The following LDLRAD4 variants were observed in gnomAD, a reference collection of about 807,000 sequenced individuals.
LDLRAD4 encodes the protein low-density lipoprotein receptor class A domain-containing protein 4.
In LDLRAD4, 5 loss-of-function variants were observed where a neutral mutation model predicts 17.0. That is an observed-to-expected ratio of 0.29 (90% confidence interval 0.15 to 0.62). LDLRAD4 has a LOEUF of 0.62. Ranked by LOEUF, LDLRAD4 falls within the 20% of genes least tolerant of loss-of-function variation. LDLRAD4 has a pLI of 0.84. For missense variants in LDLRAD4, 340 were observed against 424.7 expected (o/e 0.80, Z 1.75); for synonymous variants, 168 against 171.8 (o/e 0.98, Z 0.17).
In LDLRAD4 at chr18:13,529,544, C is replaced by A. The variant is rs186180676; in HGVS notation, c.181+91160C>A. Among the ~76,000 whole-genome samples, 3 of 152,294 alleles carry A rather than the reference C, an allele frequency of 2.0e-5. No individual in the cohort carries two copies. In the East Asian group the frequency reaches 5.8e-4, roughly 29 times the overall value. Reference sequence around the variant, plus strand: ...ATGCCACAGAGCTCACAGAACTAGACCCAAGTAAATAATACATGCCTTTAG... The same window carrying A: ...ATGCCACAGAGCTCACAGAACTAGAACCAAGTAAATAATACATGCCTTTAG... On this transcript the variant is annotated intron_variant, in intron 3 of 5. Coordinates refer to ENST00000359446, the Ensembl canonical transcript of LDLRAD4.
At chr18:13,463,503 G>A (rs1331913173) in intron 3 of LDLRAD4, among the ~76,000 whole-genome samples, 1 of 152,242 alleles carries the variant, frequency 6.6e-6, no homozygotes, top group African/African-American at 2.4e-5. Flanking sequence ...CTTAAAAACA[G>A]TTGTTAACAC....
chr18:13,254,228 A>AG (rs1156321175), intron 1 of LDLRAD4, among the ~76,000 whole-genome samples: 3 of 152,210 alleles, frequency 2.0e-5, no homozygotes, highest in Non-Finnish European at 4.4e-5. Context: ...CCCGAGGCCC[A>AG]GGGGAGGCAG....
intron 1 of LDLRAD4, among the ~76,000 whole-genome samples, chr18:13,279,210 G>T (rs2045092692): frequency 6.6e-6 from 1 of 152,222 alleles, no homozygotes; most frequent in Admixed American, 6.5e-5. Flanking sequence ...CACGCCTTGT[G>T]GATGTTCAGT....
At chr18:13,504,551 C>T (rs921064646) in intron 3 of LDLRAD4, among the ~76,000 whole-genome samples, 7 of 152,208 alleles carry the variant, frequency 4.6e-5, no homozygotes, top group African/African-American at 1.2e-4. Flanking sequence ...CCTCAGCCTC[C>T]CGAGTAGCTG....
intron 1 of LDLRAD4, among the ~76,000 whole-genome samples, chr18:13,349,796 C>A (rs185987701): frequency 5.9e-5 from 9 of 152,146 alleles, no homozygotes; most frequent in Middle Eastern, 3.4e-3. Flanking sequence ...CCCCCACCCC[C>A]CAACTGGCCC....
chr18:13,279,174 A>G (rs747428698), intron 1 of LDLRAD4, among the ~76,000 whole-genome samples: 6 of 152,188 alleles, frequency 3.9e-5, no homozygotes, highest in African/African-American at 7.2e-5. Context: ...TGGGGTGGAA[A>G]GAGCTCACGG....
chr18:13,533,680 G>C (rs1245409869), intron 3 of LDLRAD4, among the ~76,000 whole-genome samples: 1 of 152,096 alleles, frequency 6.6e-6, no homozygotes, highest in Non-Finnish European at 1.5e-5. Flanking sequence ...ATTACATTTA[G>C]GCCTTTTAAA....
intron 3 of LDLRAD4, chr18:13,515,084 T>A (rs1238382243): frequency 6.6e-6 from 1 of 152,244 alleles, no homozygotes; most frequent in African/African-American, 2.4e-5. Flanking sequence ...GTAACTGAAT[T>A]ACATAACTGT....
At chr18:13,506,664 C>T (rs8092260) in intron 3 of LDLRAD4, among the ~76,000 whole-genome samples, 27,798 of 152,156 alleles carry the variant, frequency 0.18, 3,101 homozygotes, top group Middle Eastern at 0.38. Context: ...ATGGAATAGC[C>T]CTCTATTGGA....
intron 3 of LDLRAD4, among the ~76,000 whole-genome samples, chr18:13,450,825 G>A (rs560612378): frequency 3.2e-4 from 49 of 152,324 alleles, no homozygotes; most frequent in African/African-American, 1.1e-3. Context: ...CAGGGGGAGT[G>A]TCGTGGGGAG....
intron 1 of LDLRAD4, among the ~76,000 whole-genome samples, chr18:13,320,920 G>T (rs1041052909): frequency 6.6e-6 from 1 of 152,196 alleles, no homozygotes; most frequent in East Asian, 1.9e-4. Context: ...GCTCCTCTCC[G>T]TGACTGGACA....
At chr18:13,411,612 C>T (rs759916705) in intron 2 of LDLRAD4, among the ~76,000 whole-genome samples, 1 of 152,154 alleles carries the variant, frequency 6.6e-6, no homozygotes, top group Non-Finnish European at 1.5e-5. Flanking sequence ...AGTTCCCCTG[C>T]ACACGCTCTC....
intron 2 of LDLRAD4, among the ~76,000 whole-genome samples, chr18:13,409,111 C>T (rs2088076965): frequency 6.6e-6 from 1 of 152,156 alleles, no homozygotes; most frequent in Non-Finnish European, 1.5e-5. Context: ...TGGGTTCTGC[C>T]TGTTTTCCAC....
intron 3 of LDLRAD4, among the ~76,000 whole-genome samples, chr18:13,537,163 T>A (rs1401131684): frequency 1.3e-5 from 2 of 152,236 alleles, no homozygotes; most frequent in African/African-American, 4.8e-5. Context: ...TTGTCCTGTT[T>A]CCTCTATTTT....
chr18:13,229,933 A>G (rs2041990439), intron 1 of LDLRAD4, among the ~76,000 whole-genome samples: 1 of 152,226 alleles, frequency 6.6e-6, no homozygotes, highest in South Asian at 2.1e-4. Flanking sequence ...TACTTTGGTC[A>G]ATCAAGGGAG....
At chr18:13,297,549 CT>C (rs775379222) in intron 1 of LDLRAD4, among the ~76,000 whole-genome samples, 7 of 152,198 alleles carry the variant, frequency 4.6e-5, no homozygotes, top group African/African-American at 7.2e-5. Flanking sequence ...AATCCCAGCA[CT>C]TTGGGGGGCT....
chr18:13,632,582 C>T (rs2041764028), intron 4 of LDLRAD4, among the ~76,000 whole-genome samples: 1 of 152,254 alleles, frequency 6.6e-6, no homozygotes, highest in Non-Finnish European at 1.5e-5. Context: ...GATGGTGTCA[C>T]AGCCCTGGCC....
chr18:13,471,770 A>G (rs1289682457), intron 3 of LDLRAD4: 5 of 152,336 alleles, frequency 3.3e-5, no homozygotes, highest in Admixed American at 2.0e-4. Context: ...TGCCAAGCCA[A>G]ATTCTCCTGT....
intron 3 of LDLRAD4, among the ~76,000 whole-genome samples, chr18:13,483,471 G>A (rs1468602984): frequency 1.3e-5 from 2 of 152,190 alleles, no homozygotes; most frequent in African/African-American, 4.8e-5. Flanking sequence ...ACGCAGCAGT[G>A]TGGCTGCCTG....
Sources: allele counts gnomAD v4.1 joint callset (sites outside exome capture counted in the v4.1 genomes callset), GRCh38; gene constraint gnomAD v4.1.1; transcripts MANE v1.5; gene names NCBI Gene and HGNC (gene_info 2026-07-23, HGNC 2026-07-21).